Variants in NUDT4 observed in about 807,000 individuals in gnomAD.
NUDT4 encodes nudix hydrolase 4, also known as diphosphoinositol polyphosphate phosphohydrolase 2.
In NUDT4, 5 loss-of-function variants were observed where a neutral mutation model predicts 23.1. That is an observed-to-expected ratio of 0.22 (90% CI 0.11 to 0.46). The LOEUF (loss-of-function observed/expected upper bound fraction) is 0.46, where lower values mean the gene tolerates loss of function less well. Among genes scored for constraint, NUDT4 ranks in the 20% least tolerant of loss-of-function variants. The pLI is 0.99. For synonymous variants in NUDT4, 50 were observed against 79.0 expected (o/e 0.63, Z 1.95); for missense variants, 96 against 211.6 (o/e 0.45, Z 3.39).
chr12:93,385,513 T>C (rs1282481070), intron 1 of NUDT4, among the ~76,000 whole-genome samples: 2 of 152,210 alleles, frequency 1.3e-5, no homozygotes, highest in East Asian at 3.8e-4. Flanking sequence ...GAGAAGGGAA[T>C]TTCAAACCTA....
Position 93,406,709 on chromosome 12 carries a change from TAAGTA to T in NUDT4, c.*7332_*7336del, listed in dbSNP as rs1877838718. On this transcript the variant is annotated 3_prime_UTR_variant, in exon 5 of 5. Transcript: ENST00000415493. ...AGCACTTACATTATAATAGGTATTA[TAAGTA>T]ATCTAAATATTAACATAAGCGGGAG... 3 of 152,356 alleles carry T rather than the reference TAAGTA, an allele frequency of 2.0e-5. No homozygotes were observed. The South Asian group carries it at 6.2e-4, about 32-fold the overall frequency. 9.4% of individuals were successfully genotyped at this position (152,356 alleles called of 1,614,324 possible).
chr12:93,389,222 C>T (rs139057757), intron 1 of NUDT4, among the ~76,000 whole-genome samples: 19,115 of 152,028 alleles, frequency 0.13, 1,361 homozygotes, highest in Admixed American at 0.19. Context: ...CCTGTAATCC[C>T]AGCAGTTTGA....
At position 93,405,205 on chromosome 12, in the gene NUDT4, T is replaced by TAG; in HGVS notation, c.*5827_*5828insGA. On this transcript the variant is annotated 3_prime_UTR_variant, in exon 5 of 5. Coordinates refer to ENST00000415493, the MANE Select transcript of NUDT4 (RefSeq NM_019094.6). ...CAGATCTGATATCTACTCCCGACCT[T>TAG]AAGCCAGGAGACTTTGTAAACTTAC... The TAG allele has an allele frequency of 6.6e-6, 1 of 152,208 alleles. No homozygotes were observed. The highest frequency in any genetic ancestry group is 2.4e-5 in the African/African-American group (1 of 41,444). 9.4% of individuals were successfully genotyped at this position (152,208 alleles called of 1,614,324 possible).
At chr12:93,380,768 C>T (rs1875604027) in intron 1 of NUDT4, among the ~76,000 whole-genome samples, 1 of 152,190 alleles carries the variant, frequency 6.6e-6, no homozygotes, top group South Asian at 2.1e-4. Context: ...AATTTGCCTT[C>T]ACTCTGTTGA....
intron 1 of NUDT4, among the ~76,000 whole-genome samples, chr12:93,390,612 C>G (rs1876426225): frequency 6.6e-6 from 1 of 151,940 alleles, no homozygotes; most frequent in Non-Finnish European, 1.5e-5. Flanking sequence ...AATAACCCCC[C>G]CTCCCTTTTT....
intron 3 of NUDT4, among the ~76,000 whole-genome samples, chr12:93,398,003 A>G (rs1384543802): frequency 6.6e-6 from 1 of 152,156 alleles, no homozygotes; most frequent in Non-Finnish European, 1.5e-5. Flanking sequence ...CAGGTCTATT[A>G]TTTTAATAAG....
At chr12:93,391,400 A>T (rs1384329200) in intron 1 of NUDT4, among the ~76,000 whole-genome samples, 1 of 151,640 alleles carries the variant, frequency 6.6e-6, no homozygotes, top group Non-Finnish European at 1.5e-5. Flanking sequence ...CCCCATCTCT[A>T]CTCAAAATAC....
intron 1 of NUDT4, among the ~76,000 whole-genome samples, chr12:93,380,171 G>T (rs745897824): frequency 6.6e-6 from 1 of 152,148 alleles, no homozygotes; most frequent in Admixed American, 6.6e-5. Context: ...TTTTTGTGAG[G>T]CTAAGTTTGG....
intron 1 of NUDT4, among the ~76,000 whole-genome samples, chr12:93,382,998 T>A (rs952841996): frequency 2.0e-5 from 3 of 152,108 alleles, no homozygotes; most frequent in Admixed American, 6.5e-5. Flanking sequence ...TGTCACCAAC[T>A]TCTTCATCTG....
chr12:93,392,324 C>T (rs1258417762), intron 1 of NUDT4, among the ~76,000 whole-genome samples: 2 of 139,542 alleles, frequency 1.4e-5, no homozygotes, highest in Admixed American at 7.6e-5. Flanking sequence ...GGCATGATCT[C>T]GGCTCACTGC....
chr12:93,407,413 A>G lies in NUDT4; in HGVS notation c.*8034A>G, dbSNP rs1469666954. The G allele has an allele frequency of 1.3e-5, 2 of 152,240 alleles. No individual in the cohort carries two copies. Among genetic ancestry groups the G allele is most frequent in the African/African-American group, 4.8e-5 (2 of 41,450 alleles). 9.4% of individuals were successfully genotyped at this position (152,240 alleles called of 1,614,324 possible). The stretch of plus-strand genomic sequence containing the variant: ...CCCAACAACTAGTGGGCAAACATGA[A>G]ACACTTTTGTTGAATAATGTGTTTC... On this transcript the variant is annotated 3_prime_UTR_variant, in exon 5 of 5. Transcript: ENST00000415493.
intron 1 of NUDT4, among the ~76,000 whole-genome samples, chr12:93,383,757 A>T (rs1875862186): frequency 1.3e-5 from 2 of 152,198 alleles, no homozygotes; most frequent in African/African-American, 4.8e-5. Context: ...CCTTGAACCC[A>T]GGAGGCGGGG....
intron 4 of NUDT4, 79 bp from the exon 5 acceptor site, chr12:93,399,098 G>A (rs150536798): frequency 2.1e-5 from 21 of 986,932 alleles, no homozygotes; most frequent in South Asian, 2.7e-5. Context: ...GTCATTTATC[G>A]GGGAGTAAGT....
chr12:93,392,477 G>C (rs1170704360), intron 1 of NUDT4, among the ~76,000 whole-genome samples: 1 of 150,886 alleles, frequency 6.6e-6, no homozygotes. Flanking sequence ...GGCTGGTCTT[G>C]AACTCCTGAC....
rs1374068079 is a variant in NUDT4, at chr12:93,378,410, C to CAGG, written c.93_95dup (p.Glu31dup). 6.4e-7 allele frequency: 1 copy of CAGG among 1,553,580 alleles called. No homozygotes were observed. The highest frequency in any genetic ancestry group is 1.4e-5 in the African/African-American group (1 of 73,164). On this transcript the variant is annotated inframe_insertion, in exon 1 of 5. Coordinates refer to ENST00000415493, the MANE Select transcript of NUDT4 (RefSeq NM_019094.6). The stretch of plus-strand genomic sequence containing the variant: ...GGCGTGCCTGTGCTTCCGGAGCGAG[C>CAGG]AGGAGGACGAGGTAGGGCGCCCGGC...
chr12:93,381,468 A>G (rs1008455797), intron 1 of NUDT4, among the ~76,000 whole-genome samples: 11 of 152,234 alleles, frequency 7.2e-5, no homozygotes, highest in African/African-American at 2.4e-4. Flanking sequence ...CATATATGAT[A>G]GTTTAAAAGG....
chr12:93,385,143 T>G (rs187600273), intron 1 of NUDT4: 2 of 152,316 alleles, frequency 1.3e-5, no homozygotes, highest in East Asian at 3.9e-4. Flanking sequence ...AAAGACAAAA[T>G]AACTCTTCAG....
chr12:93,396,600 T>C (rs1367448306), intron 3 of NUDT4, among the ~76,000 whole-genome samples: 1 of 152,108 alleles, frequency 6.6e-6, no homozygotes, highest in Non-Finnish European at 1.5e-5. Flanking sequence ...GATGATGACT[T>C]TTACCGGAAT....
rs913163133 is a variant in NUDT4, at chr12:93,402,848, C to G, written c.*3469C>G. ...AGCATAACTGGCTAAGTCACCGCCC[C>G]ACCCGCCGCATTACATTTCCTAAAA... is the stretch of plus-strand genomic sequence containing the variant. On this transcript the variant is annotated 3_prime_UTR_variant, in exon 5 of 5. Coordinates refer to ENST00000415493, the MANE Select transcript of NUDT4 (RefSeq NM_019094.6). 1 of 122,280 alleles carries G rather than the reference C, an allele frequency of 8.2e-6. No individual in the cohort carries two copies. The highest frequency in any genetic ancestry group is 3.9e-5 in the African/African-American group (1 of 25,374). The allele number at this position is 122,280 out of a possible 1,614,324, so 7.6% of individuals were successfully genotyped here. A position where few individuals can be genotyped will look rare whatever the true frequency, so the allele number is the denominator to read the frequency against.
Sources: allele counts gnomAD v4.1 joint callset (sites outside exome capture counted in the v4.1 genomes callset), GRCh38; gene constraint gnomAD v4.1.1; transcripts MANE v1.5; gene names NCBI Gene and HGNC (gene_info 2026-07-23, HGNC 2026-07-21).